Variants in SYCP1 observed in about 807,000 individuals in gnomAD.
The protein encoded by SYCP1 is cancer/testis antigen 8.
SYCP1 carries 64 observed loss-of-function variants against 153.1 expected under a neutral mutation model. The ratio of observed to expected loss-of-function variants is 0.42; its 90% confidence interval spans 0.34 to 0.51. The LOEUF (loss-of-function observed/expected upper bound fraction) is 0.51, where lower values mean the gene tolerates loss of function less well. SYCP1 is among the 20% of genes least tolerant of loss of function. SYCP1 has a pLI of 0.06. For synonymous variants in SYCP1, 384 were observed against 341.8 expected (o/e 1.12, Z -1.36); for missense variants, 997 against 1,049.0 (o/e 0.95, Z 0.68).
intron 15 of SYCP1, among the ~76,000 whole-genome samples, chr1:114,893,498 C>T (rs1480147203): frequency 1.3e-5 from 2 of 152,152 alleles, no homozygotes; most frequent in Admixed American, 1.3e-4. Flanking sequence ...TTTCTAAGAG[C>T]TCTAGGTAAT....
Position 114,857,480 on chromosome 1 carries a change from A to G in SYCP1, c.274A>G (p.Lys92Glu). ...TGACTGTCACTATCAGGAAGGACTA[A>G]AAGACTCTGATTTGGAGGTCAGAAG... The part of the protein sequence containing the change: ...NSDCHYQEGL[K>E]DSDLENSEGL... Residue 92 changes from lysine to glutamate, a missense_variant, in exon 5 of 32, where the codon AAA (lysine) becomes GAA (glutamate). By Grantham distance (56) the Lys-to-Glu change is moderately conservative. Transcript: ENST00000369522. The G allele has an allele frequency of 6.2e-7, 1 of 1,600,450 alleles. No homozygotes were observed. Among genetic ancestry groups the G allele is most frequent in the Non-Finnish European group, 8.5e-7 (1 of 1,173,210 alleles).
At chr1:114,965,040 G>A (rs1311751260) in intron 27 of SYCP1, among the ~76,000 whole-genome samples, 1 of 152,080 alleles carries the variant, frequency 6.6e-6, no homozygotes, top group Non-Finnish European at 1.5e-5. Context: ...TTATTTCCTT[G>A]AGCAGTGGTT....
intron 12 of SYCP1, among the ~76,000 whole-genome samples, chr1:114,884,236 A>G (rs1666149223): frequency 6.6e-6 from 1 of 152,060 alleles, no homozygotes; most frequent in Admixed American, 6.6e-5. Context: ...TATTCGTTAT[A>G]CTTCAAGCCT....
intron 12 of SYCP1, among the ~76,000 whole-genome samples, chr1:114,883,143 G>A (rs1171194170): frequency 6.6e-6 from 1 of 152,012 alleles, no homozygotes; most frequent in Non-Finnish European, 1.5e-5. Flanking sequence ...GGAGCTTAAT[G>A]CTTTAATATT....
At chr1:114,889,694 C>G (rs1666567609) in intron 15 of SYCP1, among the ~76,000 whole-genome samples, 1 of 152,156 alleles carries the variant, frequency 6.6e-6, no homozygotes, top group South Asian at 2.1e-4. Context: ...TGTGCAGAAG[C>G]TCTTTCATTT....
Position 114,991,830 on chromosome 1 carries a change from A to G in SYCP1, c.2704-2868A>G, listed in dbSNP as rs143625816. 2.7e-3 allele frequency among the ~76,000 whole-genome samples: 410 copies of G among 151,934 alleles called. 1 individual carries two copies. The highest frequency in any genetic ancestry group is 4.7e-3 in the Non-Finnish European group (316 of 67,854). On this transcript the variant is annotated intron_variant, in intron 30 of 31. Transcript: ENST00000369522. ...GATACTATAAAAGAAAAATAATAGA[A>G]GGCATTCAGATGGAAAGGAAGAGGT...
At chr1:114,955,929 G>A (rs982992367) in intron 27 of SYCP1, among the ~76,000 whole-genome samples, 2 of 152,156 alleles carry the variant, frequency 1.3e-5, no homozygotes, top group Non-Finnish European at 2.9e-5. Flanking sequence ...CAAAGAGTCC[G>A]GGGGAATCAC....
intron 16 of SYCP1, among the ~76,000 whole-genome samples, chr1:114,896,314 G>A (rs965739277): frequency 6.6e-6 from 1 of 151,928 alleles, no homozygotes; most frequent in African/African-American, 2.4e-5. Context: ...TAATTGCTCC[G>A]GGACAAACTC....
At chr1:114,937,629 T>G (rs1438988454) in intron 23 of SYCP1, among the ~76,000 whole-genome samples, 1 of 151,674 alleles carries the variant, frequency 6.6e-6, no homozygotes, top group Admixed American at 6.6e-5. Flanking sequence ...TGGGAGAAAA[T>G]TTTTACAATC....
intron 19 of SYCP1, 32 bp from the exon 20 acceptor site, chr1:114,913,943 A>T (rs774644050): frequency 6.9e-7 from 1 of 1,445,916 alleles, no homozygotes; most frequent in Admixed American, 2.3e-5. Context: ...GTTTAAACAA[A>T]ATAATTGATA....
At chr1:114,945,620 T>A (rs919990290) in intron 25 of SYCP1, among the ~76,000 whole-genome samples, 1 of 152,096 alleles carries the variant, frequency 6.6e-6, no homozygotes, top group Non-Finnish European at 1.5e-5. Flanking sequence ...TATGTTTCAA[T>A]CCAGTGCAGC....
chr1:114,869,807 C>T (rs1664992272), intron 8 of SYCP1, among the ~76,000 whole-genome samples: 1 of 152,162 alleles, frequency 6.6e-6, no homozygotes, highest in South Asian at 2.1e-4. Flanking sequence ...ACTCAACATA[C>T]ATGTCTTACT....
chr1:114,985,761 C>T (rs1478691667), intron 30 of SYCP1, among the ~76,000 whole-genome samples: 1 of 151,750 alleles, frequency 6.6e-6, no homozygotes, highest in Non-Finnish European at 1.5e-5. Context: ...ACAATTAAAA[C>T]TGTGAACCAG....
intron 8 of SYCP1, among the ~76,000 whole-genome samples, chr1:114,871,486 G>A (rs974466444): frequency 1.4e-4 from 22 of 151,894 alleles, no homozygotes; most frequent in African/African-American, 4.8e-4. Flanking sequence ...CCCGTCTTTT[G>A]TATCATTGCT....
chr1:114,906,132 AT>A (rs1264541612), intron 16 of SYCP1, among the ~76,000 whole-genome samples: 2 of 151,532 alleles, frequency 1.3e-5, no homozygotes, highest in Non-Finnish European at 2.9e-5. Flanking sequence ...CACCCTACTA[AT>A]TTTTTGTATT....
chr1:114,969,658 CTG>C (rs764337257), intron 27 of SYCP1, among the ~76,000 whole-genome samples: 11 of 152,156 alleles, frequency 7.2e-5, no homozygotes, highest in Non-Finnish European at 1.5e-4. Context: ...GCGAACAGTT[CTG>C]TCTCATTGGA....
At chr1:114,881,543 T>TTCCTTC (rs1383711421) in intron 12 of SYCP1, among the ~76,000 whole-genome samples, 3,473 of 123,182 alleles carry the variant, frequency 0.028, 236 homozygotes, top group Middle Eastern at 0.075. Context: ...TTCCTTCCTT[T>TTCCTTC]CTTGATGGAG....
intron 23 of SYCP1, among the ~76,000 whole-genome samples, chr1:114,936,708 C>T (rs1013797230): frequency 6.6e-6 from 1 of 152,216 alleles, no homozygotes; most frequent in Non-Finnish European, 1.5e-5. Context: ...CCCAAAGTCT[C>T]AGAATACAAA....
chr1:114,962,185 G>A (rs1470518709), intron 27 of SYCP1, among the ~76,000 whole-genome samples: 1 of 151,836 alleles, frequency 6.6e-6, no homozygotes, highest in Non-Finnish European at 1.5e-5. Context: ...GGGTTTCGCT[G>A]TGTTGGCCAG....
Sources: gnomAD v4.1 joint callset for allele counts (sites outside exome capture counted in the v4.1 genomes callset) on GRCh38, gnomAD v4.1.1 for gene constraint, MANE v1.5 for transcripts, NCBI Gene and HGNC (gene_info 2026-07-23, HGNC 2026-07-21) for gene names.